PNPLA7: variants seen among roughly 807,000 people sequenced by gnomAD.
PNPLA7 encodes patatin like domain 7, lysophospholipase, also known as patatin-like phospholipase domain-containing protein 7.
In PNPLA7, 153 loss-of-function variants were observed where a neutral mutation model predicts 161.7. The ratio of observed to expected loss-of-function variants is 0.95; its 90% CI spans 0.83 to 1.08. The LOEUF (loss-of-function observed/expected upper bound fraction) is 1.08. Ranked by LOEUF, PNPLA7 falls within the 50% of genes least tolerant of loss-of-function variation. PNPLA7 has a pLI of 0.00. For missense variants in PNPLA7, 1,739 were observed against 1,856.6 expected (o/e 0.94, Z 1.16); for synonymous variants, 809 against 782.1 (o/e 1.03, Z -0.57).
At chr9:137,549,008 C>T (rs1836696627) in intron 1 of PNPLA7, among the ~76,000 whole-genome samples, 1 of 152,206 alleles carries the variant, frequency 6.6e-6, no homozygotes, top group Non-Finnish European at 1.5e-5. Flanking sequence ...GCCCAGCAAC[C>T]GCTTCTGGGA....
chr9:137,474,042 G>A (rs749848258), intron 25 of PNPLA7, among the ~76,000 whole-genome samples: 2 of 152,042 alleles, frequency 1.3e-5, no homozygotes, highest in African/African-American at 4.8e-5. Flanking sequence ...AGTTCAAGAC[G>A]AGCCTGGCCC....
chr9:137,539,744 GT>G (rs1036451641), intron 8 of PNPLA7, among the ~76,000 whole-genome samples: 1 of 152,164 alleles, frequency 6.6e-6, no homozygotes, highest in Admixed American at 6.6e-5. Flanking sequence ...ATAATAAAAA[GT>G]TAAAAATCAT....
In PNPLA7 at chr9:137,547,658, G is replaced by A; in HGVS notation, c.32C>T (p.Ala11Val). The part of the protein sequence containing the change: MEEEKDDSPQ[A>V]DFCLGTALHS... ...CAGGGCGGTGCCCAGGCAGAAGTCA[G>A]CCTGCAGCAGAGAGCATGGGGTCAG... Residue 11 changes from alanine (A) to valine (V), a missense_variant and splice_region_variant, in exon 2 of 35, where the codon GCT becomes GTT. By Grantham distance (64) the Ala-to-Val change is moderately conservative. Coordinates refer to ENST00000406427, the MANE Select transcript of PNPLA7 (RefSeq NM_001098537.3). This position sits in a 1 kb window ranked among gnomAD's most constrained non-coding sequence, Gnocchi z 4.6. 1 of 1,612,956 alleles carries A rather than the reference G, an allele frequency of 6.2e-7. No homozygotes were observed. The highest frequency in any genetic ancestry group is 2.2e-5 in the East Asian group (1 of 44,882).
At chr9:137,495,500 G>C (rs1436359965) in intron 18 of PNPLA7, among the ~76,000 whole-genome samples, 2 of 151,924 alleles carry the variant, frequency 1.3e-5, no homozygotes, top group African/African-American at 2.4e-5. Flanking sequence ...CTGGAGTGCA[G>C]TGGTGCGATC....
intron 8 of PNPLA7, among the ~76,000 whole-genome samples, chr9:137,536,545 A>G (rs1835901039): frequency 6.6e-6 from 1 of 152,212 alleles, no homozygotes; most frequent in African/African-American, 2.4e-5. Flanking sequence ...CAGGTCGTGA[A>G]TCTGTAACAG....
intron 20 of PNPLA7, chr9:137,491,706 G>C (rs571000914): frequency 8.5e-5 from 84 of 985,466 alleles, no homozygotes; most frequent in Admixed American, 3.1e-4. Flanking sequence ...CGCTGCCTCT[G>C]TGTGGCCCTC....
At position 137,537,896 on chromosome 9, in the gene PNPLA7, G is replaced by A. The variant is rs1004103767; in HGVS notation, c.747+2746C>T. Among the ~76,000 whole-genome samples the A allele has an allele frequency of 2.6e-5, 4 of 152,288 alleles. No homozygotes were observed. The highest frequency in any genetic ancestry group is 1.9e-4 in the East Asian group (1 of 5,180). On this transcript the variant is annotated intron_variant, in intron 8 of 34. Transcript: ENST00000406427. This position sits in a 1 kb window ranked among gnomAD's most constrained non-coding sequence, Gnocchi z 4.5. ...AGCTATTTTTTGCTTAAAGAGAAAC[G>A]AATCATCCAAGGTAGGTCGCATACA...
At position 137,475,469 on chromosome 9, in the gene PNPLA7, G is replaced by A. The variant is rs142328661; in HGVS notation, c.2882+2565C>T. On this transcript the variant is annotated intron_variant, in intron 25 of 34. Coordinates refer to ENST00000406427, the MANE Select transcript of PNPLA7 (RefSeq NM_001098537.3). ...AGCTCACTGTAAGCTCCATCCCCCC[G>A]GTTCACGCCATTCTCCTGCCTCAGC... Among the ~76,000 whole-genome samples the A allele has an allele frequency of 4.8e-3, 724 of 152,268 alleles. 8 individuals are homozygous for A. The highest frequency in any genetic ancestry group is 0.016 in the African/African-American group (683 of 41,556).
chr9:137,515,546 C>G, intron 11 of PNPLA7, 27 bp from the exon 12 acceptor site: 1 of 1,509,342 alleles, frequency 6.6e-7, no homozygotes, highest in Non-Finnish European at 8.8e-7. Context: ...CGTAAGCAAC[C>G]TTGTTTGCAC....
intron 25 of PNPLA7, among the ~76,000 whole-genome samples, chr9:137,474,557 G>A (rs1054987791): frequency 1.3e-5 from 2 of 152,134 alleles, no homozygotes; most frequent in Non-Finnish European, 1.5e-5. Flanking sequence ...GTGGGGAAAC[G>A]CACGCGGACC....
chr9:137,477,388 G>A (rs1359677125), intron 25 of PNPLA7, among the ~76,000 whole-genome samples: 1 of 152,190 alleles, frequency 6.6e-6, no homozygotes, highest in Non-Finnish European at 1.5e-5. Flanking sequence ...CAGATGCTGG[G>A]AAAGACCGGC....
At chr9:137,475,796 G>A (rs1831923895) in intron 25 of PNPLA7, among the ~76,000 whole-genome samples, 1 of 152,082 alleles carries the variant, frequency 6.6e-6, no homozygotes, top group African/African-American at 2.4e-5. Flanking sequence ...AAAAGACAAT[G>A]GAACCATGCC....
chr9:137,545,734 G>C (rs1350205111), intron 4 of PNPLA7, among the ~76,000 whole-genome samples: 6 of 152,210 alleles, frequency 3.9e-5, no homozygotes, highest in African/African-American at 1.2e-4. Context: ...GATAGGAGCT[G>C]AGGGGACATA....
At chr9:137,505,945 G>A (rs756480731) in intron 13 of PNPLA7, 38 bp downstream of exon 13, 4 of 1,574,666 alleles carry the variant, frequency 2.5e-6, no homozygotes, top group Non-Finnish European at 3.5e-6. Flanking sequence ...AGAGGGTGGG[G>A]CCCCAGGCGG....
At chr9:137,480,924 G>A (rs562738366) in intron 22 of PNPLA7, 36 bp downstream of exon 22, 92 of 1,548,606 alleles carry the variant, frequency 5.9e-5, no homozygotes, top group Non-Finnish European at 6.6e-5. Context: ...GCGTTGGGCC[G>A]GCTGGGAGGA....
chr9:137,513,961 G>T (rs767091074), intron 12 of PNPLA7, among the ~76,000 whole-genome samples: 3 of 152,286 alleles, frequency 2.0e-5, no homozygotes, highest in Non-Finnish European at 4.4e-5. Flanking sequence ...AGACGGCAGA[G>T]GGGGCAGGTC....
At chr9:137,498,559 C>T (rs1833196383) in intron 16 of PNPLA7, among the ~76,000 whole-genome samples, 1 of 152,252 alleles carries the variant, frequency 6.6e-6, no homozygotes, top group Admixed American at 6.5e-5. Context: ...CACATGCCGT[C>T]AGGAGCTGCA....
chr9:137,526,682 G>C (rs1434787644), intron 8 of PNPLA7, among the ~76,000 whole-genome samples: 1 of 152,204 alleles, frequency 6.6e-6, no homozygotes, highest in Non-Finnish European at 1.5e-5. Flanking sequence ...AGTGTGAGTG[G>C]CCTGGGAACT....
At chr9:137,495,278 C>G (rs1266137466) in intron 18 of PNPLA7, 132 bp from the exon 19 acceptor site, 11 of 626,878 alleles carry the variant, frequency 1.8e-5, no homozygotes, top group Admixed American at 9.0e-5. Context: ...CGGAGGCAGT[C>G]AGTGAGTGCT....
Sources: gnomAD v4.1 joint callset for allele counts (sites outside exome capture counted in the v4.1 genomes callset) on GRCh38, gnomAD v4.1.1 for gene constraint, Gnocchi (gnomAD v3.1) non-coding constraint, MANE v1.5 for transcripts, NCBI Gene and HGNC (gene_info 2026-07-23, HGNC 2026-07-21) for gene names.